Variants in FXR1 observed in about 807,000 individuals in gnomAD.
The protein encoded by FXR1 is RNA-binding protein FXR1.
A neutral mutation model predicts 84.0 loss-of-function variants in FXR1; 15 were observed. That is an observed-to-expected ratio of 0.18 (90% CI 0.12 to 0.27). The LOEUF (loss-of-function observed/expected upper bound fraction) is 0.27, where lower values mean the gene tolerates loss of function less well. FXR1 is among the 10% of genes least tolerant of loss of function. The pLI is 1.00. For missense variants in FXR1, 480 were observed against 774.4 expected (o/e 0.62, Z 4.51); for synonymous variants, 245 against 250.7 (o/e 0.98, Z 0.21).
intron 15 of FXR1, chr3:180,971,961 T>C (rs1344127561): frequency 6.6e-6 from 1 of 152,304 alleles, no homozygotes; most frequent in Non-Finnish European, 1.5e-5. Context: ...ATAAAGAATG[T>C]AAATTCTGGC....
At position 180,980,617 on chromosome 3, in the gene FXR1, CAT is replaced by C. The variant is rs565239154; in HGVS notation, c.*4330_*4331del. On this transcript the variant is annotated 3_prime_UTR_variant, in exon 17 of 17. Transcript: ENST00000357559. ...TTCAGGTTGTAAAGAAAAATGTAAA[CAT>C]ATATTTGAAATTTCATTAACTGAAA... 24 of 152,066 alleles carry C rather than the reference CAT, an allele frequency of 1.6e-4. No individual in the cohort carries two copies. Among genetic ancestry groups the C allele is most frequent in the African/African-American group, 5.1e-4 (21 of 41,506 alleles). 9.4% of individuals were successfully genotyped at this position (152,066 alleles called of 1,614,324 possible).
chr3:180,948,622 A>G, intron 5 of FXR1, 99 bp from the exon 6 acceptor site: 3 of 959,834 alleles, frequency 3.1e-6, no homozygotes, highest in Non-Finnish European at 4.9e-6. Context: ...CAAAGGTTTT[A>G]GTGGGGCTTG....
At chr3:180,913,037 G>C (rs2108410532) in intron 1 of FXR1, among the ~76,000 whole-genome samples, 1 of 152,330 alleles carries the variant, frequency 6.6e-6, no homozygotes, top group South Asian at 2.1e-4. Context: ...GCTGCTGGGC[G>C]GCGGGAGCTC....
At chr3:180,926,506 A>ATATATATATATATATT (rs72192827) in intron 1 of FXR1, among the ~76,000 whole-genome samples, 22 of 124,364 alleles carry the variant, frequency 1.8e-4, no homozygotes, top group Non-Finnish European at 2.8e-4. Flanking sequence ...ATATATATAT[A>ATATATATATATATATT]TTTTTTTTTC....
intron 3 of FXR1, among the ~76,000 whole-genome samples, chr3:180,947,195 C>A (rs967189351): frequency 2.6e-5 from 4 of 152,022 alleles, no homozygotes; most frequent in African/African-American, 7.2e-5. Flanking sequence ...ATTACAGGCA[C>A]CTGCCACCAT....
chr3:180,972,390 A>C (rs903388537), intron 15 of FXR1, among the ~76,000 whole-genome samples: 6 of 152,190 alleles, frequency 3.9e-5, no homozygotes, highest in Non-Finnish European at 8.8e-5. Context: ...TGGGAGGTCG[A>C]GGCCGCAGTG....
intron 1 of FXR1, among the ~76,000 whole-genome samples, chr3:180,926,267 T>C (rs568047352): frequency 1.6e-4 from 25 of 152,160 alleles, no homozygotes; most frequent in African/African-American, 5.3e-4. Flanking sequence ...TATGTAAGAA[T>C]ACTTGATCAG....
chr3:180,939,145 C>T (rs546896383), intron 3 of FXR1, among the ~76,000 whole-genome samples: 7 of 151,872 alleles, frequency 4.6e-5, no homozygotes, highest in African/African-American at 1.5e-4. Flanking sequence ...ACACCCGCCT[C>T]GGCCTCCCAA....
chr3:180,915,712 C>A, intron 1 of FXR1: 1 of 696,108 alleles, frequency 1.4e-6, no homozygotes, highest in South Asian at 1.5e-5. Flanking sequence ...TGTGAATTGC[C>A]ATTGATGAGT....
At chr3:180,943,990 C>T (rs1175889006) in intron 3 of FXR1, among the ~76,000 whole-genome samples, 1 of 152,026 alleles carries the variant, frequency 6.6e-6, no homozygotes, top group African/African-American at 2.4e-5. Flanking sequence ...GATCTCAGCT[C>T]ACCGCAGCCT....
chr3:180,962,851 A>G (rs900807618), intron 11 of FXR1, 32 bp from the exon 12 acceptor site: 1 of 1,457,388 alleles, frequency 6.9e-7, no homozygotes, highest in South Asian at 1.1e-5. Flanking sequence ...GTTATATATA[A>G]GAAGACTTAC....
intron 12 of FXR1, 21 bp from the exon 13 acceptor site, chr3:180,963,007 G>A (rs1211410211): frequency 1.2e-6 from 2 of 1,607,792 alleles, no homozygotes; most frequent in Admixed American, 1.7e-5. Context: ...ACTGATGAAA[G>A]TACCGTCTCT....
chr3:180,939,263 G>T (rs1720869123), intron 3 of FXR1, among the ~76,000 whole-genome samples: 1 of 152,054 alleles, frequency 6.6e-6, no homozygotes, highest in Non-Finnish European at 1.5e-5. Flanking sequence ...TACCGGTGGG[G>T]GGGTGTGGGT....
chr3:180,972,789 T>C (rs1713751769), intron 15 of FXR1, among the ~76,000 whole-genome samples: 1 of 152,192 alleles, frequency 6.6e-6, no homozygotes, highest in Non-Finnish European at 1.5e-5. Context: ...ACTACTTCCC[T>C]CTTTTAAAAC....
intron 10 of FXR1, among the ~76,000 whole-genome samples, chr3:180,960,913 G>A (rs1197399858): frequency 1.3e-5 from 2 of 152,102 alleles, no homozygotes; most frequent in African/African-American, 4.8e-5. Flanking sequence ...AAATTGGGGT[G>A]CAAATATGAC....
chr3:180,940,580 G>GTTTTTT (rs746815811), intron 3 of FXR1, among the ~76,000 whole-genome samples: 3 of 146,150 alleles, frequency 2.1e-5, no homozygotes, highest in East Asian at 2.0e-4. Flanking sequence ...GTTTTTTTCT[G>GTTTTTT]TTTTCTTTTT....
intron 1 of FXR1, among the ~76,000 whole-genome samples, chr3:180,932,084 A>AAAAAAAAAAC (rs1270174639): frequency 2.0e-5 from 3 of 150,484 alleles, no homozygotes; most frequent in African/African-American, 7.3e-5. Context: ...TCAAAAAAAA[A>AAAAAAAAAAC]AAAAAACAAC....
intron 9 of FXR1, among the ~76,000 whole-genome samples, chr3:180,956,817 C>G (rs771422686): frequency 6.6e-6 from 1 of 152,018 alleles, no homozygotes; most frequent in Non-Finnish European, 1.5e-5. Flanking sequence ...ATTGTACTGA[C>G]CAGTCTACTG....
rs568393920 is a variant in FXR1, at chr3:180,961,522, G to T, written c.1045G>T (p.Val349Phe). ...GTKESIGNVQ[V>F]LLEYHIAYLK... Reference sequence around the variant, plus strand: ...TAAAGAAAGCATTGGAAATGTGCAGGTTCTTCTAGAGTATCATATTGCCTA... The same window carrying T: ...TAAAGAAAGCATTGGAAATGTGCAGTTTCTTCTAGAGTATCATATTGCCTA... Residue 349 changes from valine (V) to phenylalanine (F), a missense_variant, in exon 11 of 17, where the codon GTT becomes TTT. Physicochemically the swap from Val to Phe is conservative, Grantham distance 50. Coordinates refer to ENST00000357559, the MANE Select transcript of FXR1 (RefSeq NM_005087.4). 1 of 1,556,694 alleles carries T rather than the reference G, an allele frequency of 6.4e-7. No individual in the cohort carries two copies. The highest frequency in any genetic ancestry group is 2.2e-5 in the East Asian group (1 of 44,556).
Sources: gnomAD v4.1 joint callset for allele counts (sites outside exome capture counted in the v4.1 genomes callset) on GRCh38, gnomAD v4.1.1 for gene constraint, MANE v1.5 for transcripts, NCBI Gene and HGNC (gene_info 2026-07-23, HGNC 2026-07-21) for gene names.